DOK6: variants seen among roughly 807,000 people sequenced by gnomAD.
DOK6 encodes the protein downstream of tyrosine kinase 6.
A neutral mutation model predicts 44.0 loss-of-function variants in DOK6; 22 were observed. That is an observed-to-expected ratio of 0.50 (90% CI 0.36 to 0.71). DOK6 has a LOEUF of 0.71. Ranked by LOEUF, DOK6 falls within the 30% of genes least tolerant of loss-of-function variation. The pLI, the probability that DOK6 is intolerant of heterozygous loss-of-function variation, is 0.00. For synonymous variants in DOK6, 166 were observed against 145.5 expected (o/e 1.14, Z -1.01); for missense variants, 340 against 416.4 (o/e 0.82, Z 1.60).
chr18:69,452,061 T>A (rs2122459925), intron 1 of DOK6, among the ~76,000 whole-genome samples: 1 of 149,858 alleles, frequency 6.7e-6, no homozygotes, highest in African/African-American at 2.5e-5. Context: ...ATAACTAAAA[T>A]CAGAGCAGAA....
At chr18:69,683,319 C>T (rs567490949) in intron 4 of DOK6, among the ~76,000 whole-genome samples, 1 of 152,310 alleles carries the variant, frequency 6.6e-6, no homozygotes, top group South Asian at 2.1e-4. Flanking sequence ...TTGAACTTAA[C>T]ACTGTATCAC....
At chr18:69,694,038 G>A (rs1034637756) in intron 4 of DOK6, among the ~76,000 whole-genome samples, 3 of 119,728 alleles carry the variant, frequency 2.5e-5, no homozygotes, top group East Asian at 2.6e-4. Context: ...CAGCCTGGGC[G>A]ACAGAGCGAG....
At chr18:69,591,479 T>C (rs1983620313) in intron 2 of DOK6, among the ~76,000 whole-genome samples, 1 of 152,200 alleles carries the variant, frequency 6.6e-6, no homozygotes, top group Non-Finnish European at 1.5e-5. Flanking sequence ...GAGTGCTTAC[T>C]GAAAATTTGA....
chr18:69,691,942 A>G (rs1004958914), intron 4 of DOK6, among the ~76,000 whole-genome samples: 12 of 152,190 alleles, frequency 7.9e-5, no homozygotes, highest in Non-Finnish European at 1.2e-4. Flanking sequence ...GGAACATACC[A>G]TATGCCTCAA....
In DOK6 at chr18:69,506,029, G is replaced by A. The variant is rs148561003; in HGVS notation, c.67-58458G>A. ...GTGACAGTTCCATGAAATAATGAATGTAAAGGTCTTAGCAAGGTGCTTGGT... is the reference window on the plus strand; with the variant it reads ...GTGACAGTTCCATGAAATAATGAATATAAAGGTCTTAGCAAGGTGCTTGGT... On this transcript the variant is annotated intron_variant, in intron 1 of 7. Transcript: ENST00000382713. Among the ~76,000 whole-genome samples, 705 of 151,922 alleles carry A rather than the reference G, an allele frequency of 4.6e-3. 7 individuals are homozygous for A. Among genetic ancestry groups the A allele is most frequent in the Non-Finnish European group, 7.8e-3 (530 of 67,948 alleles).
chr18:69,697,567 T>C (rs1457743857), intron 4 of DOK6, among the ~76,000 whole-genome samples: 1 of 152,130 alleles, frequency 6.6e-6, no homozygotes, highest in Non-Finnish European at 1.5e-5. Flanking sequence ...ATAGAGTATG[T>C]TGTAAGGCAT....
chr18:69,446,311 G>T (rs960676870), intron 1 of DOK6, among the ~76,000 whole-genome samples: 3 of 150,266 alleles, frequency 2.0e-5, no homozygotes, highest in Middle Eastern at 3.5e-3. Flanking sequence ...GCGGTGTTTG[G>T]TTTTTTGTCC....
intron 6 of DOK6, among the ~76,000 whole-genome samples, chr18:69,749,191 A>C (rs898574197): frequency 1.4e-4 from 22 of 152,146 alleles, no homozygotes; most frequent in Non-Finnish European, 2.6e-4. Context: ...ATTAGGAAAA[A>C]TAGCTAGGCT....
intron 2 of DOK6, among the ~76,000 whole-genome samples, chr18:69,584,063 G>C (rs1182722232): frequency 3.2e-4 from 46 of 144,442 alleles, no homozygotes; most frequent in Non-Finnish European, 4.9e-4. Context: ...AGCCGAGATC[G>C]CGCCACTGCA....
Position 69,698,514 on chromosome 18 carries a change from G to A in DOK6, c.520G>A (p.Val174Ile), listed in dbSNP as rs779759084. The change falls in exon 5 of 8, where the codon GTC becomes ATC. Residue 174 changes from valine to isoleucine, a missense_variant. Around this residue, in one of 3 missense-constraint regions of DOK6, gnomAD observed 206 missense variants for 258.6 expected, o/e 0.80. Coordinates refer to ENST00000382713, the MANE Select transcript of DOK6 (RefSeq NM_152721.6). The part of the protein sequence containing the change: ...IYLWDIHNAK[V>I]KLVMWPLSSL... Reference sequence around the variant, plus strand: ...TCTCTGGGATATCCACAATGCCAAGGTCAAACTGGTGATGTGGCCTCTCAG... The same window carrying A: ...TCTCTGGGATATCCACAATGCCAAGATCAAACTGGTGATGTGGCCTCTCAG... 3 of 1,614,088 alleles carry A rather than the reference G, an allele frequency of 1.9e-6. No individual in the cohort carries two copies. Among genetic ancestry groups the A allele is most frequent in the Non-Finnish European group, 1.7e-6 (2 of 1,179,958 alleles).
chr18:69,755,506 A>G (rs1979326863), intron 6 of DOK6, among the ~76,000 whole-genome samples: 1 of 152,268 alleles, frequency 6.6e-6, no homozygotes, highest in Admixed American at 6.5e-5. Context: ...ATTAATGGGC[A>G]TTGCTGACAT....
At chr18:69,469,147 G>A (rs995495211) in intron 1 of DOK6, among the ~76,000 whole-genome samples, 1 of 152,184 alleles carries the variant, frequency 6.6e-6, no homozygotes, top group African/African-American at 2.4e-5. Flanking sequence ...AGAGTGACAC[G>A]GAATGGCAAC....
At chr18:69,447,429 C>G (rs1200384948) in intron 1 of DOK6, among the ~76,000 whole-genome samples, 4 of 152,062 alleles carry the variant, frequency 2.6e-5, no homozygotes, top group Admixed American at 2.0e-4. Flanking sequence ...TGTTTTGGTA[C>G]CAGTACCATG....
intron 2 of DOK6, among the ~76,000 whole-genome samples, chr18:69,568,326 C>T (rs369774018): frequency 6.6e-5 from 10 of 152,314 alleles, no homozygotes; most frequent in African/African-American, 1.7e-4. Context: ...ACCTGCACTC[C>T]GATCCTGCTG....
rs1266119439 is a variant in DOK6, at chr18:69,848,617, T to C, written c.*7234T>C. 6.6e-6 allele frequency: 1 copy of C among 152,220 alleles called. No individual in the cohort carries two copies. Among genetic ancestry groups the C allele is most frequent in the East Asian group, 1.9e-4 (1 of 5,204 alleles). The allele number at this position is 152,220 out of a possible 1,614,324, so 9.4% of individuals were successfully genotyped here. On this transcript the variant is annotated 3_prime_UTR_variant, in exon 8 of 8. Transcript: ENST00000382713. ...ATTATTTTTAAATCTGTCTGTGTGATTTTTCCCCTTGGTAAAAATACATGA... is the reference window on the plus strand; with the variant it reads ...ATTATTTTTAAATCTGTCTGTGTGACTTTTCCCCTTGGTAAAAATACATGA...
chr18:69,491,521 T>C (rs1012793128), intron 1 of DOK6, among the ~76,000 whole-genome samples: 12 of 152,232 alleles, frequency 7.9e-5, no homozygotes, highest in Non-Finnish European at 1.5e-4. Context: ...GAAGTACTTA[T>C]GGCTAAATTT....
At position 69,708,783 on chromosome 18, in the gene DOK6, CAAAA is replaced by C. The variant is rs376287840; in HGVS notation, c.599+10209_599+10212del. On this transcript the variant is annotated intron_variant, in intron 5 of 7. Coordinates refer to ENST00000382713, the MANE Select transcript of DOK6 (RefSeq NM_152721.6). ...TGGGTGACAGGGCAAAAATCCGTCT[CAAAA>C]AAAAAAAAAAAAAAAAAAGTGCTTT... is the stretch of plus-strand genomic sequence containing the variant. Among the ~76,000 whole-genome samples, 396 of 79,300 alleles carry C rather than the reference CAAAA, an allele frequency of 5.0e-3. 3 individuals carry two copies. The highest frequency in any genetic ancestry group is 0.019 in the African/African-American group (381 of 20,100). 52.0% of individuals were successfully genotyped at this position (79,300 alleles called of 152,430 possible). A position where few individuals can be genotyped will look rare whatever the true frequency, so the allele number is the denominator to read the frequency against.
At chr18:69,447,292 C>A in intron 1 of DOK6, among the ~76,000 whole-genome samples, 1 of 152,274 alleles carries the variant, frequency 6.6e-6, no homozygotes, top group East Asian at 1.9e-4. Context: ...GTTTTCCTAG[C>A]ACCATTTATT....
At chr18:69,667,814 T>C (rs1985698161) in intron 3 of DOK6, among the ~76,000 whole-genome samples, 1 of 152,194 alleles carries the variant, frequency 6.6e-6, no homozygotes, top group African/African-American at 2.4e-5. Flanking sequence ...CTACTCAGAC[T>C]TCTTGGTGAT....
Sources: allele counts gnomAD v4.1 joint callset (sites outside exome capture counted in the v4.1 genomes callset), GRCh38; gene constraint gnomAD v4.1.1; regional missense constraint gnomAD v4.1.1; transcripts MANE v1.5; gene names NCBI Gene and HGNC (gene_info 2026-07-23, HGNC 2026-07-21).